Variants in NEMP2 observed in about 807,000 individuals in gnomAD.
NEMP2 encodes nuclear envelope integral membrane protein 2.
NEMP2 carries 53 observed loss-of-function variants against 54.2 expected under a neutral mutation model. That is an observed-to-expected ratio of 0.98 (90% CI 0.78 to 1.23). The LOEUF is 1.23. Among genes scored for constraint, NEMP2 ranks in the 50% most tolerant of loss-of-function variants. The pLI is 0.00. For missense variants in NEMP2, 455 were observed against 511.3 expected (o/e 0.89, Z 1.06); for synonymous variants, 197 against 190.3 (o/e 1.04, Z -0.29).
At chr2:190,577,254 A>G in the NEMP2 span, among the ~76,000 whole-genome samples, 1 of 152,144 alleles carries the variant, frequency 6.6e-6, no homozygotes, top group Non-Finnish European at 1.5e-5. The surrounding 1 kb of genome is among the most constrained non-coding windows in gnomAD (Gnocchi z 4.8). Context: ...AATTTTTTTT[A>G]ACATTAAAAG....
chr2:190,628,485 A>C, the NEMP2 span: 1 of 152,280 alleles, frequency 6.6e-6, no homozygotes, highest in African/African-American at 2.4e-5. The surrounding 1 kb of genome is among the most constrained non-coding windows in gnomAD (Gnocchi z 4.1). Flanking sequence ...TTATAAAATC[A>C]GTTCTGCAAT....
At chr2:190,500,319 A>G (rs1689967407), downstream of NEMP2, 5 of 1,185,810 alleles carry the variant, frequency 4.2e-6, no homozygotes, top group South Asian at 6.8e-5. The surrounding 1 kb of genome is among the most constrained non-coding windows in gnomAD (Gnocchi z 5.3). Context: ...GGAGGAGCAC[A>G]GCACTGCATA....
At chr2:190,447,788 G>A in the NEMP2 span, among the ~76,000 whole-genome samples, 1 of 152,114 alleles carries the variant, frequency 6.6e-6, no homozygotes, top group Non-Finnish European at 1.5e-5. The surrounding 1 kb of genome is among the most constrained non-coding windows in gnomAD (Gnocchi z 4.5). Context: ...TGTAAGCTAT[G>A]GAGTCTCAAA....
chr2:190,550,166 T>C, the NEMP2 span, among the ~76,000 whole-genome samples: 40 of 152,290 alleles, frequency 2.6e-4, no homozygotes, highest in East Asian at 7.1e-3. The surrounding 1 kb of genome is among the most constrained non-coding windows in gnomAD (Gnocchi z 4.7). Context: ...TATAACAAAA[T>C]ACTATAAACT....
chr2:190,500,282 G>GC (rs1028052005), downstream of NEMP2: 252 of 1,569,822 alleles, frequency 1.6e-4, no homozygotes, highest in Admixed American at 7.2e-4. The surrounding 1 kb of genome is among the most constrained non-coding windows in gnomAD (Gnocchi z 5.3). Flanking sequence ...ACAGGGTGAG[G>GC]CCCCCCAGCC....
the NEMP2 span, among the ~76,000 whole-genome samples, chr2:190,569,070 C>T: frequency 6.6e-6 from 1 of 152,066 alleles, no homozygotes; most frequent in Non-Finnish European, 1.5e-5. Context: ...AAGACTTGAG[C>T]AAGTTTGCTT....
Position 190,514,673 on chromosome 2 carries a change from C to T in NEMP2, c.733G>A (p.Val245Ile), listed in dbSNP as rs890216513. ...AAGCTGAAAAATCCAACTATCAAGA[C>T]ATAGCCTGGAAAAGTGGAAGAGGTA... ...YENRIYVLGYVLIVGFFSFVV... is the reference protein window; with the variant it reads ...YENRIYVLGYILIVGFFSFVV... Residue 245 changes from valine to isoleucine, a missense_variant, in exon 7 of 9, where the codon GTC becomes ATC. Around this residue, in one of 3 missense-constraint regions of NEMP2, gnomAD observed 294 missense variants for 333.6 expected, o/e 0.88. Coordinates refer to ENST00000409150, the MANE Select transcript of NEMP2 (RefSeq NM_001142645.2). This position sits in a 1 kb window ranked among gnomAD's most constrained non-coding sequence, Gnocchi z 5.7. 13 of 1,551,440 alleles carry T rather than the reference C, an allele frequency of 8.4e-6. No homozygotes were observed. The East Asian group carries it at 3.2e-4, about 38-fold the overall frequency.
chr2:190,545,566 C>T, the NEMP2 span, among the ~76,000 whole-genome samples: 2 of 152,192 alleles, frequency 1.3e-5, no homozygotes, highest in African/African-American at 2.4e-5. Flanking sequence ...GTTAAGACAT[C>T]GGGATTGTCT....
At chr2:190,470,011 G>A in the NEMP2 span, among the ~76,000 whole-genome samples, 11 of 152,256 alleles carry the variant, frequency 7.2e-5, no homozygotes, top group East Asian at 2.1e-3. Context: ...GACATCAGGA[G>A]GGATGGTTCC....
chr2:190,602,150 GGA>G, the NEMP2 span, among the ~76,000 whole-genome samples: 1 of 152,172 alleles, frequency 6.6e-6, no homozygotes, highest in East Asian at 1.9e-4. Flanking sequence ...TAGGGAGATG[GGA>G]GAGAGGCGGA....
the NEMP2 span, among the ~76,000 whole-genome samples, chr2:190,451,705 T>A: frequency 6.6e-6 from 1 of 152,154 alleles, no homozygotes; most frequent in Non-Finnish European, 1.5e-5. This position sits in a 1 kb window ranked among gnomAD's most constrained non-coding sequence, Gnocchi z 5.0. Flanking sequence ...CCAGTGAAGA[T>A]CTTGGGGACA....
rs1247098169 is a variant in NEMP2 at position 190,507,000 on chromosome 2, GGAAA to G, written c.*2185_*2188del. Reference sequence around the variant, plus strand: ...TGAGGGAGAAAGAGAAGGGAAGGGAGGAAAGAAAGGAGGGAAACATTTCTTGGAA... The same window carrying G: ...TGAGGGAGAAAGAGAAGGGAAGGGAGGAAAGGAGGGAAACATTTCTTGGAA... On this transcript the variant is annotated 3_prime_UTR_variant, in exon 9 of 9. Transcript: ENST00000409150. This position sits in a 1 kb window ranked among gnomAD's most constrained non-coding sequence, Gnocchi z 6.3. The G allele has an allele frequency of 4.6e-5, 7 of 152,290 alleles. No individual in the cohort carries two copies. The East Asian group carries it at 1.3e-3, about 29-fold the overall frequency. 9.4% of individuals were successfully genotyped at this position (152,290 alleles called of 1,614,324 possible).
chr2:190,560,746 T>A, the NEMP2 span, among the ~76,000 whole-genome samples: 1 of 152,344 alleles, frequency 6.6e-6, no homozygotes, highest in African/African-American at 2.4e-5. This position sits in a 1 kb window ranked among gnomAD's most constrained non-coding sequence, Gnocchi z 5.4. Context: ...CGACTTATTG[T>A]GCATTTGGTT....
the NEMP2 span, among the ~76,000 whole-genome samples, chr2:190,586,680 A>T: frequency 6.6e-6 from 1 of 152,164 alleles, no homozygotes; most frequent in Non-Finnish European, 1.5e-5. This position sits in a 1 kb window ranked among gnomAD's most constrained non-coding sequence, Gnocchi z 4.5. Flanking sequence ...CCCAACTAAG[A>T]GGTTTTTATC....
At position 190,505,123 on chromosome 2, in the gene NEMP2, T is replaced by TA. The variant is rs1430600594; in HGVS notation, c.*4065dup. ...ATTGCTGCGGGGCACAAATGACTGG[T>TA]ATGTGTATAACATCAGCAGATGTAG... is the stretch of plus-strand genomic sequence containing the variant. On this transcript the variant is annotated 3_prime_UTR_variant, in exon 9 of 9. Coordinates refer to ENST00000409150, the MANE Select transcript of NEMP2 (RefSeq NM_001142645.2). The surrounding 1 kb of genome is among the most constrained non-coding windows in gnomAD (Gnocchi z 5.8). 1 of 152,218 alleles carries TA rather than the reference T, an allele frequency of 6.6e-6. No homozygotes were observed. The highest frequency in any genetic ancestry group is 1.5e-5 in the Non-Finnish European group (1 of 68,040). The allele number at this position is 152,218 out of a possible 1,614,324, so 9.4% of individuals were successfully genotyped here.
the NEMP2 span, among the ~76,000 whole-genome samples, chr2:190,596,521 C>T: frequency 2.0e-5 from 3 of 152,152 alleles, no homozygotes; most frequent in East Asian, 5.8e-4. The surrounding 1 kb of genome is among the most constrained non-coding windows in gnomAD (Gnocchi z 5.1). Flanking sequence ...ATGTCAGGGG[C>T]CCTCTGCAGA....
In NEMP2 at chr2:190,525,522, G is replaced by C; in HGVS notation, c.98-144C>G. 1.9e-6 allele frequency: 1 copy of C among 539,756 alleles called. No homozygotes were observed. The highest frequency in any genetic ancestry group is 3.3e-6 in the Non-Finnish European group (1 of 303,130). The allele number at this position is 539,756 out of a possible 1,614,324, so 33.4% of individuals were successfully genotyped here. ...CCTATATGATAATTATAGTCCTTCA[G>C]TGTTTCCAACCAAGGAGGAGACAGA... On this transcript the variant is annotated intron_variant, in intron 1 of 8. Transcript: ENST00000409150. This position sits in a 1 kb window ranked among gnomAD's most constrained non-coding sequence, Gnocchi z 5.0.
chr2:190,642,724 A>G, the NEMP2 span, among the ~76,000 whole-genome samples: 1 of 152,132 alleles, frequency 6.6e-6, no homozygotes, highest in Non-Finnish European at 1.5e-5. The surrounding 1 kb of genome is among the most constrained non-coding windows in gnomAD (Gnocchi z 4.1). Context: ...CACAGAGTGG[A>G]AAATTTGTTA....
the NEMP2 span, among the ~76,000 whole-genome samples, chr2:190,618,037 T>C: frequency 2.2e-4 from 34 of 152,330 alleles, no homozygotes; most frequent in African/African-American, 7.7e-4. Context: ...AAAATCAGTC[T>C]CCCAGGATTC....
Sources: allele counts gnomAD v4.1 joint callset (sites outside exome capture counted in the v4.1 genomes callset), GRCh38; gene constraint gnomAD v4.1.1; regional missense constraint gnomAD v4.1.1; non-coding constraint Gnocchi (gnomAD v3.1); transcripts MANE v1.5; gene names NCBI Gene and HGNC (gene_info 2026-07-23, HGNC 2026-07-21).